YLPM1: variants seen among roughly 807,000 people sequenced by gnomAD.
YLPM1 encodes the protein YLP motif containing 1.
YLPM1 carries 99 observed loss-of-function variants against 230.0 expected under a neutral mutation model. The observed-to-expected ratio is 0.43, with a 90% CI of 0.37 to 0.51. The LOEUF is 0.51. Ranked by LOEUF, YLPM1 falls within the 20% of genes least tolerant of loss-of-function variation. The probability of loss-of-function intolerance (pLI) is 0.00; values close to 1 mark genes in which losing one functional copy is unlikely to be tolerated. For missense variants in YLPM1, 2,592 were observed against 2,707.7 expected (o/e 0.96, Z 0.95); for synonymous variants, 984 against 942.5 (o/e 1.04, Z -0.81).
rs955491422 is a variant in YLPM1 at position 74,763,328 on chromosome 14, G to T, written c.-162G>T. On this transcript the variant is annotated 5_prime_UTR_variant, in exon 1 of 21. Coordinates refer to ENST00000325680, the MANE Select transcript of YLPM1 (RefSeq NM_019589.3). ...GTCGCGTCCCCGCCTTCCCGGTCGC[G>T]GGCCCAGCTCGGGAGCGCCGGCGCA... 6.3e-6 allele frequency: 5 copies of T among 788,144 alleles called. No homozygotes were observed. Among genetic ancestry groups the T allele is most frequent in the African/African-American group, 3.6e-5 (2 of 55,428 alleles). 48.8% of individuals were successfully genotyped at this position (788,144 alleles called of 1,614,324 possible).
chr14:74,764,119 C>A lies in YLPM1; in HGVS notation c.630C>A (p.Ser210=). 6.2e-7 allele frequency: 1 copy of A among 1,613,600 alleles called. No homozygotes were observed. Among genetic ancestry groups the A allele is most frequent in the Non-Finnish European group, 8.5e-7 (1 of 1,179,804 alleles). ...YLAPTPSYSS[S]SSSSQSYLSH... ...CGCCCACCCCTTCTTACTCATCCTC[C>A]TCCTCTTCCTCGCAATCCTATTTGA... is the stretch of plus-strand genomic sequence containing the variant. The change falls in exon 1 of 21, where the codon TCC becomes TCA. Residue 210 remains serine (S), a synonymous_variant. Transcript: ENST00000325680.
intron 16 of YLPM1, among the ~76,000 whole-genome samples, chr14:74,819,343 C>T (rs896797911): frequency 2.0e-4 from 29 of 144,896 alleles, no homozygotes; most frequent in African/African-American, 6.0e-4. Flanking sequence ...GGTGTAATCT[C>T]GGCTCACTGC....
Position 74,780,591 on chromosome 14 carries a change from G to T in YLPM1, c.1290+7G>T. 1.2e-6 allele frequency: 2 copies of T among 1,600,350 alleles called. No individual in the cohort carries two copies. The highest frequency in any genetic ancestry group is 2.2e-5 in the South Asian group (2 of 89,440). ...GCCCCCACCACATATACAGGCAAGT[G>T]CTTCCATAGTCCACAATAGGAAGTT... is the stretch of plus-strand genomic sequence containing the variant. On this transcript the variant is annotated splice_region_variant and intron_variant, in intron 3 of 20. Transcript: ENST00000325680.
In YLPM1 at chr14:74,780,485, A is replaced by C. The variant is rs1368008201; in HGVS notation, c.1191A>C (p.Arg397=). The C allele has an allele frequency of 6.2e-7, 1 of 1,613,984 alleles. No individual in the cohort carries two copies. The highest frequency in any genetic ancestry group is 2.2e-5 in the East Asian group (1 of 44,888). ...AAHWQQHQQH[R]VGFQYQGIMQ... is the part of the protein sequence containing the mutation. ...ACTGGCAGCAGCACCAGCAGCATCGAGTCGGTTTCCAGTATCAGGGAATAA... is the reference window on the plus strand; with the variant it reads ...ACTGGCAGCAGCACCAGCAGCATCGCGTCGGTTTCCAGTATCAGGGAATAA... Residue 397 remains arginine (R), a synonymous_variant, in exon 3 of 21, where the codon CGA becomes CGC. Coordinates refer to ENST00000325680, the MANE Select transcript of YLPM1 (RefSeq NM_019589.3).
chr14:74,829,145 C>A, intron 18 of YLPM1, 68 bp from the exon 19 acceptor site: 5 of 1,581,778 alleles, frequency 3.2e-6, no homozygotes, highest in Non-Finnish European at 4.3e-6. Context: ...CCTTCTTTTC[C>A]CCTGTGTGTG....
Position 74,811,618 on chromosome 14 carries a change from A to C in YLPM1, c.5229-2A>C. The C allele has an allele frequency of 3.7e-6, 6 of 1,603,070 alleles. No individual in the cohort carries two copies. Among genetic ancestry groups the C allele is most frequent in the Non-Finnish European group, 5.1e-6 (6 of 1,173,454 alleles). ...TGAAGCGCTTCCTATTACACCTTCT[A>C]GAGCTCAGTCATATCGAGACAAAAA... On this transcript the variant is annotated splice_acceptor_variant, in intron 9 of 20. Transcript: ENST00000325680. LOFTEE classifies it high-confidence loss of function.
Position 74,835,939 on chromosome 14 carries a change from C to A in YLPM1, c.*201C>A, listed in dbSNP as rs1308747613. 4 of 449,142 alleles carry A rather than the reference C, an allele frequency of 8.9e-6. No individual in the cohort carries two copies. The highest frequency in any genetic ancestry group is 4.8e-5 in the South Asian group (3 of 62,766). The allele number at this position is 449,142 out of a possible 1,614,324, so 27.8% of individuals were successfully genotyped here. ...AGAATCTTGCTGTACCCAAGCAAGA[C>A]GTTAATTTTTCTTTTAACTGTTTTG... On this transcript the variant is annotated 3_prime_UTR_variant, in exon 21 of 21. Transcript: ENST00000325680.
chr14:74,817,098 G>A lies in YLPM1; in HGVS notation c.5853G>A (p.Lys1951=), dbSNP rs998388872. 8 of 1,601,828 alleles carry A rather than the reference G, an allele frequency of 5.0e-6. No homozygotes were observed. The African/African-American group carries it at 6.7e-5, about 13-fold the overall frequency. The change falls in exon 14 of 21, where the codon AAG becomes AAA. Residue 1951 remains lysine, a synonymous_variant. Transcript: ENST00000325680. ...FDQFWSAAKT[K]GFEVYLAEMS... is the part of the protein sequence containing the mutation. ...AGTTTTGGAGTGCAGCAAAAACCAA[G>A]GGATTTGAGGTAGAAGCTTAAAGAA...
chr14:74,794,298 C>T (rs1466312454), intron 4 of YLPM1, among the ~76,000 whole-genome samples: 1 of 152,156 alleles, frequency 6.6e-6, no homozygotes, highest in Admixed American at 6.5e-5. Context: ...ATTCTCCTAC[C>T]TCTGCCTTCC....
rs980279403 is a variant in YLPM1, at chr14:74,763,365, C to G, written c.-125C>G. 2.5e-6 allele frequency: 3 copies of G among 1,212,988 alleles called. No homozygotes were observed. The highest frequency in any genetic ancestry group is 3.2e-6 in the Non-Finnish European group (3 of 935,670). 75.1% of individuals were successfully genotyped at this position (1,212,988 alleles called of 1,614,324 possible). On this transcript the variant is annotated 5_prime_UTR_variant, in exon 1 of 21. Coordinates refer to ENST00000325680, the MANE Select transcript of YLPM1 (RefSeq NM_019589.3). ...GGAGCGCCGGCGCACTGGCGCGCTC[C>G]GTTTACACGCTCCGGGGCCTGTAGG...
At chr14:74,820,612 T>C (rs1445026685) in intron 16 of YLPM1, among the ~76,000 whole-genome samples, 4 of 152,186 alleles carry the variant, frequency 2.6e-5, no homozygotes, top group African/African-American at 9.7e-5. Flanking sequence ...GTTGTACCTT[T>C]TAATGACCTC....
chr14:74,808,696 C>G (rs1193185883), intron 6 of YLPM1, among the ~76,000 whole-genome samples: 1 of 151,180 alleles, frequency 6.6e-6, no homozygotes, highest in Non-Finnish European at 1.5e-5. Flanking sequence ...CCCAGTTACT[C>G]AGAAGGCTGA....
intron 1 of YLPM1, among the ~76,000 whole-genome samples, chr14:74,768,663 C>T (rs1249104876): frequency 6.6e-6 from 1 of 152,186 alleles, no homozygotes; most frequent in Non-Finnish European, 1.5e-5. Flanking sequence ...TGTTTAAATA[C>T]TTACGGACTA....
chr14:74,826,886 A>C (rs758789933), intron 18 of YLPM1, among the ~76,000 whole-genome samples: 4 of 152,178 alleles, frequency 2.6e-5, no homozygotes, highest in African/African-American at 9.7e-5. Flanking sequence ...TTAGTTTCTC[A>C]TACTGTGAAG....
intron 2 of YLPM1, among the ~76,000 whole-genome samples, chr14:74,779,740 C>T (rs961347927): frequency 2.0e-5 from 3 of 149,876 alleles, no homozygotes; most frequent in Admixed American, 6.6e-5. Context: ...CTCCCAGGCT[C>T]AAGTGATCCT....
intron 2 of YLPM1, among the ~76,000 whole-genome samples, chr14:74,779,245 A>G (rs2091070432): frequency 1.3e-5 from 2 of 152,148 alleles, no homozygotes; most frequent in Admixed American, 1.3e-4. Flanking sequence ...ATGCCAGCAT[A>G]TGTTCATAGT....
Position 74,778,625 on chromosome 14 carries a change from C to A in YLPM1, c.1052C>A (p.Pro351His). The A allele has an allele frequency of 1.9e-6, 3 of 1,594,064 alleles. No individual in the cohort carries two copies. Among genetic ancestry groups the A allele is most frequent in the Non-Finnish European group, 2.6e-6 (3 of 1,170,710 alleles). Reference protein sequence around the residue: ...QVPESPSSEEPPLPPPNEEVP... With the variant: ...QVPESPSSEEHPLPPPNEEVP... Reference sequence around the variant, plus strand: ...CCAGAATCTCCTTCTTCTGAGGAGCCCCCATTGCCACCTCCAAATGAGGAA... The same window carrying A: ...CCAGAATCTCCTTCTTCTGAGGAGCACCCATTGCCACCTCCAAATGAGGAA... Residue 351 changes from proline (P) to histidine (H), a missense_variant, in exon 2 of 21, where the codon CCC becomes CAC. Physicochemically the swap from Pro to His is moderately conservative, Grantham distance 77. This residue lies in a region of YLPM1 where 1,862 missense variants were observed against 1,819.8 expected (regional missense o/e 1.02). Coordinates refer to ENST00000325680, the MANE Select transcript of YLPM1 (RefSeq NM_019589.3).
chr14:74,814,578 A>G (rs906347726), intron 11 of YLPM1, among the ~76,000 whole-genome samples: 3 of 152,204 alleles, frequency 2.0e-5, no homozygotes, highest in African/African-American at 4.8e-5. Flanking sequence ...TCATATGTTA[A>G]CTTGCATTCC....
At chr14:74,817,560 CA>C (rs902713030) in intron 15 of YLPM1, among the ~76,000 whole-genome samples, 7 of 152,144 alleles carry the variant, frequency 4.6e-5, no homozygotes, top group Non-Finnish European at 1.0e-4. Context: ...CACACAATGA[CA>C]AAATTGCCTA....
Sources: gnomAD v4.1 joint callset for allele counts (sites outside exome capture counted in the v4.1 genomes callset) on GRCh38, gnomAD v4.1.1 for gene constraint, gnomAD v4.1.1 regional missense constraint, MANE v1.5 for transcripts, NCBI Gene and HGNC (gene_info 2026-07-23, HGNC 2026-07-21) for gene names.